The following NGEF variants were observed in gnomAD, a reference collection of about 807,000 sequenced individuals.
The protein encoded by NGEF is ephexin-1.
NGEF carries 31 observed loss-of-function variants against 80.9 expected under a neutral mutation model. The observed-to-expected ratio is 0.38, with a 90% CI of 0.29 to 0.52. The LOEUF (loss-of-function observed/expected upper bound fraction) is 0.52, where lower values mean the gene tolerates loss of function less well. Ranked by LOEUF, NGEF falls within the 20% of genes least tolerant of loss-of-function variation. NGEF has a pLI of 0.84. For missense variants in NGEF, 709 were observed against 926.2 expected (o/e 0.77, Z 3.04); for synonymous variants, 371 against 370.2 (o/e 1.00, Z -0.03).
chr2:232,938,068 A>G (rs1171799265), intron 3 of NGEF, among the ~76,000 whole-genome samples: 2 of 152,168 alleles, frequency 1.3e-5, no homozygotes, highest in Non-Finnish European at 2.9e-5. Context: ...TTAAGAAGAG[A>G]TGGTAGCACT....
At chr2:232,885,617 A>G (rs542815025) in intron 9 of NGEF, 269 of 516,446 alleles carry the variant, frequency 5.2e-4, no homozygotes, top group African/African-American at 4.9e-3. Context: ...GCTAGGAAGC[A>G]AACTCCAGAA....
intron 1 of NGEF, among the ~76,000 whole-genome samples, chr2:233,001,079 A>G (rs986855748): frequency 1.3e-5 from 2 of 152,054 alleles, no homozygotes; most frequent in Admixed American, 6.6e-5. Context: ...CCTGAGTGCC[A>G]CTTCCCCCCA....
intron 3 of NGEF, among the ~76,000 whole-genome samples, chr2:232,930,665 A>G (rs543863022): frequency 3.3e-5 from 5 of 152,034 alleles, no homozygotes; most frequent in Non-Finnish European, 7.4e-5. Flanking sequence ...TTTATAGGGT[A>G]CTAATCCCAT....
chr2:232,995,015 A>ATAAGTATACTGTATATGTGTACAG, intron 1 of NGEF, among the ~76,000 whole-genome samples: 1 of 32,262 alleles, frequency 3.1e-5, no homozygotes, highest in Non-Finnish European at 9.8e-5. Context: ...TATAATACAT[A>ATAAGTATACTGTATATGTGTACAG]TATGTATACT....
chr2:232,883,858 T>G (rs1316925243), intron 11 of NGEF, 123 bp downstream of exon 11: 2 of 1,072,538 alleles, frequency 1.9e-6, no homozygotes, highest in African/African-American at 3.2e-5. Context: ...AACAGACCTT[T>G]AAACCTGACC....
intron 1 of NGEF, among the ~76,000 whole-genome samples, chr2:233,009,637 G>GAA (rs113963502): frequency 1.2e-3 from 169 of 144,368 alleles, no homozygotes; most frequent in Middle Eastern, 3.5e-3. Flanking sequence ...CATCTCTACA[G>GAA]AAAAAAAAAA....
chr2:232,943,970 C>T (rs1323368806), intron 3 of NGEF, among the ~76,000 whole-genome samples: 3 of 151,884 alleles, frequency 2.0e-5, no homozygotes, highest in Non-Finnish European at 4.4e-5. Context: ...CGGTGGCTCA[C>T]ACCTGTAATC....
intron 1 of NGEF, among the ~76,000 whole-genome samples, chr2:232,980,689 G>A (rs1022474719): frequency 1.3e-5 from 2 of 152,078 alleles, no homozygotes; most frequent in African/African-American, 4.8e-5. Context: ...AATAGAGGCA[G>A]GGTTTCACCA....
intron 3 of NGEF, among the ~76,000 whole-genome samples, chr2:232,938,400 G>GAT (rs1693370048): frequency 6.6e-6 from 1 of 152,180 alleles, no homozygotes; most frequent in Non-Finnish European, 1.5e-5. Flanking sequence ...ATAACTCGTG[G>GAT]ATAAGATGCT....
At chr2:232,928,162 G>C (rs951857273) in intron 3 of NGEF, 4 of 983,116 alleles carry the variant, frequency 4.1e-6, no homozygotes, top group Non-Finnish European at 4.8e-6. Flanking sequence ...TCCCGCGGGC[G>C]GGCGCGCGCC....
chr2:232,891,052 TCCTGA>T lies in NGEF; in HGVS notation c.1272+301_1272+305del, dbSNP rs1171233386. The T allele has an allele frequency of 9.3e-5, 48 of 516,134 alleles. 1 individual carries two copies. Among genetic ancestry groups the T allele is most frequent in the Non-Finnish European group, 6.2e-5 (16 of 256,796 alleles). The allele number at this position is 516,134 out of a possible 1,614,324, so 32.0% of individuals were successfully genotyped here. ...TCTCAGCTTACACGTCACGTGTCTT[TCCTGA>T]CCCGCCCCCATCGCTGCAACTGGCA... On this transcript the variant is annotated intron_variant, in intron 8 of 14. Transcript: ENST00000264051.
intron 5 of NGEF, chr2:232,905,656 G>C (rs1342759743): frequency 5.4e-6 from 2 of 369,498 alleles, no homozygotes; most frequent in South Asian, 3.6e-5. Flanking sequence ...TGGGAAGTGA[G>C]GAGCGCCTCT....
intron 3 of NGEF, among the ~76,000 whole-genome samples, chr2:232,961,902 C>A (rs937954908): frequency 6.6e-6 from 1 of 152,202 alleles, no homozygotes. Context: ...AGAAGCAGGA[C>A]AACAGAGCAG....
chr2:232,994,527 A>G (rs1379416563), intron 1 of NGEF, among the ~76,000 whole-genome samples: 2 of 152,234 alleles, frequency 1.3e-5, no homozygotes, highest in African/African-American at 4.8e-5. Flanking sequence ...TTTTCTTCAA[A>G]TCACAGAATA....
In NGEF at chr2:232,920,306, G is replaced by A; in HGVS notation, c.806C>T (p.Pro269Leu). 1 of 1,613,886 alleles carries A rather than the reference G, an allele frequency of 6.2e-7. No individual in the cohort carries two copies. The highest frequency in any genetic ancestry group is 1.1e-5 in the South Asian group (1 of 91,038). Residue 269 changes from proline to leucine, a missense_variant, in exon 5 of 15, where the codon CCC becomes CTC. Transcript: ENST00000264051. The part of the protein sequence containing the change: ...RSSGVLEILQ[P>L]EEIKLQEAMF... ...TACCTCCTGCAGCTTAATCTCCTCG[G>A]GCTGTAGGATCTCAAGCACCCCGCT...
intron 5 of NGEF, among the ~76,000 whole-genome samples, chr2:232,909,459 T>G (rs1410643871): frequency 6.6e-6 from 1 of 152,156 alleles, no homozygotes; most frequent in Non-Finnish European, 1.5e-5. Flanking sequence ...TAATTCACGG[T>G]GAGACAGATC....
At chr2:232,938,792 A>G (rs1168415546) in intron 3 of NGEF, among the ~76,000 whole-genome samples, 2 of 150,900 alleles carry the variant, frequency 1.3e-5, no homozygotes, top group Non-Finnish European at 2.9e-5. Flanking sequence ...GGATATGCTG[A>G]GGGTGAAATT....
intron 3 of NGEF, among the ~76,000 whole-genome samples, chr2:232,959,239 C>A (rs568971919): frequency 7.2e-5 from 11 of 152,176 alleles, no homozygotes; most frequent in African/African-American, 2.6e-4. Flanking sequence ...TATGACTGTG[C>A]CTGCATGGTG....
rs1210171697 is a variant in NGEF, at chr2:232,894,741, C to G, written c.989+15G>C. The G allele has an allele frequency of 1.3e-6, 2 of 1,527,932 alleles. No individual in the cohort carries two copies. The highest frequency in any genetic ancestry group is 1.8e-5 in the Admixed American group (1 of 57,126). 94.6% of individuals were successfully genotyped at this position (1,527,932 alleles called of 1,614,324 possible). A position where few individuals can be genotyped will look rare whatever the true frequency, so the allele number is the denominator to read the frequency against. ...GAAGGGCCCTGAGGGAGGTGGCTGT[C>G]CCCCCCGTCCTCACCGCTCACTGAC... On this transcript the variant is annotated intron_variant, in intron 6 of 14. Transcript: ENST00000264051.
Sources: allele counts gnomAD v4.1 joint callset (sites outside exome capture counted in the v4.1 genomes callset), GRCh38; gene constraint gnomAD v4.1.1; transcripts MANE v1.5; gene names NCBI Gene and HGNC (gene_info 2026-07-23, HGNC 2026-07-21).